Variants in SUFU observed in about 807,000 individuals in gnomAD.
SUFU encodes SUFU negative regulator of hedgehog signaling, also known as suppressor of fused homolog.
A neutral mutation model predicts 58.9 loss-of-function variants in SUFU; 7 were observed. The ratio of observed to expected loss-of-function variants is 0.12; its 90% CI spans 0.07 to 0.22. SUFU has a LOEUF of 0.22. SUFU is among the 10% of genes least tolerant of loss of function. The pLI, the probability that SUFU is intolerant of heterozygous loss-of-function variation, is 1.00. For missense variants in SUFU, 451 were observed against 641.3 expected (o/e 0.70, Z 3.20); for synonymous variants, 232 against 254.8 (o/e 0.91, Z 0.85).
intron 10 of SUFU, among the ~76,000 whole-genome samples, chr10:102,620,952 T>A (rs149103206): frequency 1.3e-5 from 2 of 152,196 alleles, no homozygotes; most frequent in African/African-American, 2.4e-5. Flanking sequence ...AGCTGTGTGG[T>A]GTCTGACAGC....
chr10:102,570,609 A>C (rs1459443046), intron 3 of SUFU, among the ~76,000 whole-genome samples: 1 of 151,938 alleles, frequency 6.6e-6, no homozygotes, highest in East Asian at 1.9e-4. Flanking sequence ...GTTTCTTGCA[A>C]ACAAGTCCTT....
At chr10:102,609,335 A>G (rs555187455) in intron 8 of SUFU, among the ~76,000 whole-genome samples, 47 of 152,312 alleles carry the variant, frequency 3.1e-4, no homozygotes, top group Non-Finnish European at 4.0e-4. Flanking sequence ...AAGGAGGTCT[A>G]TTACCTCCAG....
At chr10:102,611,484 A>G (rs2063622309) in intron 8 of SUFU, among the ~76,000 whole-genome samples, 1 of 152,222 alleles carries the variant, frequency 6.6e-6, no homozygotes, top group Non-Finnish European at 1.5e-5. Context: ...TTCAAGCCCC[A>G]TCTCAGAAGT....
Position 102,507,732 on chromosome 10 carries a change from A to G in SUFU, c.183-1437A>G, listed in dbSNP as rs117895000. On this transcript the variant is annotated intron_variant, in intron 1 of 11. Transcript: ENST00000369902. ...CCTGGTGCTGGCACCATTGACTGGG[A>G]TCACTTGTAACATGTCTTTTATTTG... is the stretch of plus-strand genomic sequence containing the variant. Among the ~76,000 whole-genome samples the G allele has an allele frequency of 6.3e-3, 957 of 152,340 alleles. 3 individuals carry two copies. Among genetic ancestry groups the G allele is most frequent in the Non-Finnish European group, 0.01 (689 of 68,028 alleles).
chr10:102,522,205 C>T (rs75679796), intron 2 of SUFU, among the ~76,000 whole-genome samples: 4,710 of 152,264 alleles, frequency 0.031, 131 homozygotes, highest in Non-Finnish European at 0.044. Context: ...GTTACATTAA[C>T]GATATTCCCA....
intron 2 of SUFU, among the ~76,000 whole-genome samples, chr10:102,519,372 C>T (rs191403637): frequency 9.8e-4 from 148 of 151,036 alleles, no homozygotes; most frequent in Non-Finnish European, 1.7e-3. Flanking sequence ...AAAAAAACCA[C>T]GAAAATTAGC....
intron 1 of SUFU, among the ~76,000 whole-genome samples, chr10:102,506,857 C>G (rs1256300121): frequency 6.6e-6 from 1 of 152,160 alleles, no homozygotes; most frequent in Non-Finnish European, 1.5e-5. Flanking sequence ...AGCAGTGTGG[C>G]TCTGTGACTG....
chr10:102,632,519 G>T lies in SUFU; in HGVS notation c.*2364G>T. ...ATTGGTGCCTCCCAGAGGTTTCTTGGGCTGCTGGCTGGTGAGAGAGGACCC... is the reference window on the plus strand; with the variant it reads ...ATTGGTGCCTCCCAGAGGTTTCTTGTGCTGCTGGCTGGTGAGAGAGGACCC... On this transcript the variant is annotated 3_prime_UTR_variant, in exon 12 of 12. Coordinates refer to ENST00000369902, the MANE Select transcript of SUFU (RefSeq NM_016169.4). The T allele has an allele frequency of 4.3e-6, 1 of 233,320 alleles. No individual in the cohort carries two copies. The allele number at this position is 233,320 out of a possible 1,614,324, so 14.5% of individuals were successfully genotyped here.
chr10:102,506,473 G>C (rs7902317), intron 1 of SUFU, among the ~76,000 whole-genome samples: 70,169 of 151,870 alleles, frequency 0.46, 17,194 homozygotes, highest in Middle Eastern at 0.61. Context: ...CTGTCTCCCG[G>C]TTTCAAGCGA....
chr10:102,535,495 A>AG (rs1391480928), intron 2 of SUFU, among the ~76,000 whole-genome samples: 1 of 151,924 alleles, frequency 6.6e-6, no homozygotes, highest in Non-Finnish European at 1.5e-5. Flanking sequence ...AAAAAAAAAA[A>AG]AAAGAGAAAG....
intron 3 of SUFU, among the ~76,000 whole-genome samples, chr10:102,564,655 C>T (rs1442274966): frequency 2.0e-5 from 3 of 152,128 alleles, no homozygotes; most frequent in African/African-American, 4.8e-5. Flanking sequence ...TTCCTGGTTT[C>T]GCTAAGCTGC....
intron 2 of SUFU, among the ~76,000 whole-genome samples, chr10:102,519,081 C>A (rs1215508786): frequency 7.0e-6 from 1 of 143,174 alleles, no homozygotes; most frequent in African/African-American, 2.6e-5. Flanking sequence ...GCGGAGCTTG[C>A]AGTGAGTGGA....
In SUFU at chr10:102,617,589, T is replaced by A; in HGVS notation, c.1296+161T>A. On this transcript the variant is annotated intron_variant, in intron 10 of 11. Transcript: ENST00000369902. This position sits in a 1 kb window ranked among gnomAD's most constrained non-coding sequence, Gnocchi z 4.4. ...GGGGCCTGTGTGTAGGTATGGAGTG[T>A]GGATGCTGCTACCCACTCCAGCAGC... 2 of 925,952 alleles carry A rather than the reference T, an allele frequency of 2.2e-6. No individual in the cohort carries two copies. Among genetic ancestry groups the A allele is most frequent in the Non-Finnish European group, 3.3e-6 (2 of 597,766 alleles). 57.4% of individuals were successfully genotyped at this position (925,952 alleles called of 1,614,324 possible). A position where few individuals can be genotyped will look rare whatever the true frequency, so the allele number is the denominator to read the frequency against.
chr10:102,505,102 C>T (rs1228495827), intron 1 of SUFU, among the ~76,000 whole-genome samples: 3 of 152,118 alleles, frequency 2.0e-5, no homozygotes, highest in African/African-American at 4.8e-5. Context: ...CGACAGCTTC[C>T]CACCTCCAGT....
Position 102,628,874 on chromosome 10 carries a change from G to A in SUFU, c.1366-1192G>A, listed in dbSNP as rs1423993278. ...GCCAAATTAGAAAAGACAGACCCTGGGCCGGGCGCAGTGACTCATGTCTGT... is the reference window on the plus strand; with the variant it reads ...GCCAAATTAGAAAAGACAGACCCTGAGCCGGGCGCAGTGACTCATGTCTGT... On this transcript the variant is annotated intron_variant, in intron 11 of 11. Coordinates refer to ENST00000369902, the MANE Select transcript of SUFU (RefSeq NM_016169.4). This position sits in a 1 kb window ranked among gnomAD's most constrained non-coding sequence, Gnocchi z 4.5. Among the ~76,000 whole-genome samples, 1 of 151,882 alleles carries A rather than the reference G, an allele frequency of 6.6e-6. No individual in the cohort carries two copies. Among genetic ancestry groups the A allele is most frequent in the Non-Finnish European group, 1.5e-5 (1 of 67,970 alleles).
At chr10:102,559,710 A>G (rs1330103427) in intron 3 of SUFU, among the ~76,000 whole-genome samples, 1 of 152,038 alleles carries the variant, frequency 6.6e-6, no homozygotes, top group Non-Finnish European at 1.5e-5. Context: ...TCTGGGTTTC[A>G]TTAGAAAGAA....
rs1161724282 is a variant in SUFU, at chr10:102,625,966, C to T, written c.1297-1209C>T. Among the ~76,000 whole-genome samples, 1 of 152,166 alleles carries T rather than the reference C, an allele frequency of 6.6e-6. No homozygotes were observed. The highest frequency in any genetic ancestry group is 2.4e-5 in the African/African-American group (1 of 41,386). Reference sequence around the variant, plus strand: ...GTATTTTTTCAAGTTCTCAATTCTCCTCCTCACAGGGAGGGTTTCCCCTCA... The same window carrying T: ...GTATTTTTTCAAGTTCTCAATTCTCTTCCTCACAGGGAGGGTTTCCCCTCA... On this transcript the variant is annotated intron_variant, in intron 10 of 11. Coordinates refer to ENST00000369902, the MANE Select transcript of SUFU (RefSeq NM_016169.4). This position sits in a 1 kb window ranked among gnomAD's most constrained non-coding sequence, Gnocchi z 4.7.
chr10:102,602,655 A>G (rs2063525112), intron 8 of SUFU, among the ~76,000 whole-genome samples: 1 of 152,170 alleles, frequency 6.6e-6, no homozygotes, highest in African/African-American at 2.4e-5. Context: ...TGGTCCCTCT[A>G]CCACCTCAGG....
chr10:102,510,184 C>T (rs368620391), intron 2 of SUFU, among the ~76,000 whole-genome samples: 3 of 151,388 alleles, frequency 2.0e-5, no homozygotes, highest in African/African-American at 7.3e-5. Flanking sequence ...GCCTTTTGAG[C>T]AATTATATCA....
Sources: gnomAD v4.1 joint callset for allele counts (sites outside exome capture counted in the v4.1 genomes callset) on GRCh38, gnomAD v4.1.1 for gene constraint, Gnocchi (gnomAD v3.1) non-coding constraint, MANE v1.5 for transcripts, NCBI Gene and HGNC (gene_info 2026-07-23, HGNC 2026-07-21) for gene names.